RIMS2: variants seen among roughly 807,000 people sequenced by gnomAD.
RIMS2 encodes regulating synaptic membrane exocytosis 2.
Under a neutral mutation model 174.4 loss-of-function variants are expected in RIMS2, and 59 were observed. That is an observed-to-expected ratio of 0.34 (90% CI 0.27 to 0.42). RIMS2 has a LOEUF of 0.42. Ranked by LOEUF, RIMS2 falls within the 10% of genes least tolerant of loss-of-function variation. RIMS2 has a pLI of 1.00. For missense variants in RIMS2, 1,620 were observed against 1,666.3 expected (o/e 0.97, Z 0.48); for synonymous variants, 606 against 572.5 (o/e 1.06, Z -0.84).
At chr8:103,943,000 T>C (rs1372190910) in intron 14 of RIMS2, 74 bp downstream of exon 16, 7 of 1,091,668 alleles carry the variant, frequency 6.4e-6, no homozygotes, top group Non-Finnish European at 9.3e-6. Flanking sequence ...GATAAAGAAC[T>C]TGAAGATATC....
intron 1 of RIMS2, among the ~76,000 whole-genome samples, chr8:103,505,914 C>T (rs550378759): frequency 3.9e-5 from 6 of 152,078 alleles, no homozygotes; most frequent in Non-Finnish European, 8.8e-5. Flanking sequence ...TGTGGAGGCT[C>T]TCTTACATGT....
intron 1 of RIMS2, among the ~76,000 whole-genome samples, chr8:103,639,499 C>G (rs2096176145): frequency 6.7e-6 from 1 of 148,676 alleles, no homozygotes; most frequent in East Asian, 1.9e-4. Context: ...TTTTCTTTAT[C>G]TATAGTTTTG....
intron 3 of RIMS2, among the ~76,000 whole-genome samples, chr8:103,838,608 G>A (rs566563152): frequency 1.3e-5 from 2 of 152,206 alleles, no homozygotes; most frequent in East Asian, 1.9e-4. Context: ...ATCTAATAAC[G>A]TCAGAGTGTC....
At chr8:104,239,287 G>C (rs2099274633) in intron 19 of RIMS2, among the ~76,000 whole-genome samples, 1 of 152,208 alleles carries the variant, frequency 6.6e-6, no homozygotes, top group Non-Finnish European at 1.5e-5. Context: ...TACTGAGGGT[G>C]CCAGGTAAAT....
intron 13 of RIMS2, among the ~76,000 whole-genome samples, chr8:103,937,315 T>C (rs1173349600): frequency 6.6e-6 from 1 of 152,150 alleles, no homozygotes; most frequent in East Asian, 1.9e-4. Context: ...ATAAAAGGTT[T>C]GTATTTCACA....
intron 19 of RIMS2, among the ~76,000 whole-genome samples, chr8:104,025,730 C>T (rs1421511178): frequency 6.6e-6 from 1 of 151,942 alleles, no homozygotes; most frequent in Non-Finnish European, 1.5e-5. Flanking sequence ...CACACACACA[C>T]ACAGTAATGT....
intron 19 of RIMS2, among the ~76,000 whole-genome samples, chr8:104,173,298 C>A (rs901115406): frequency 6.6e-6 from 1 of 152,018 alleles, no homozygotes; most frequent in Non-Finnish European, 1.5e-5. Context: ...TTGTTTCATA[C>A]CTGTTACCTA....
chr8:104,042,582 A>G (rs1422106402), intron 19 of RIMS2, among the ~76,000 whole-genome samples: 3 of 151,626 alleles, frequency 2.0e-5, no homozygotes, highest in African/African-American at 7.2e-5. Flanking sequence ...CACTGATCAG[A>G]CTAGATATTA....
intron 2 of RIMS2, among the ~76,000 whole-genome samples, chr8:103,703,390 A>T (rs529132727): frequency 6.6e-6 from 1 of 152,090 alleles, no homozygotes; most frequent in South Asian, 2.1e-4. Context: ...GTCGTACACC[A>T]CCATACCCAG....
At chr8:103,555,514 G>T (rs926015181) in intron 1 of RIMS2, among the ~76,000 whole-genome samples, 6 of 152,098 alleles carry the variant, frequency 3.9e-5, no homozygotes, top group Admixed American at 3.9e-4. Flanking sequence ...GTTTAACCAA[G>T]TATATATCCA....
At chr8:103,933,182 A>G (rs1401602005) in intron 12 of RIMS2, among the ~76,000 whole-genome samples, 1 of 151,974 alleles carries the variant, frequency 6.6e-6, no homozygotes, top group East Asian at 1.9e-4. Flanking sequence ...AGTCCCAGCT[A>G]CTCGGGAGGC....
chr8:104,096,536 C>G (rs1598738384), intron 19 of RIMS2, among the ~76,000 whole-genome samples: 2 of 152,022 alleles, frequency 1.3e-5, no homozygotes. Context: ...GAACATATAT[C>G]CTGGAACATG....
chr8:103,514,934 CAAAA>C (rs1011395816), intron 1 of RIMS2, among the ~76,000 whole-genome samples: 2 of 149,404 alleles, frequency 1.3e-5, no homozygotes, highest in Non-Finnish European at 3.0e-5. Flanking sequence ...AACAAAAAAA[CAAAA>C]AAAAACACAC....
intron 19 of RIMS2, among the ~76,000 whole-genome samples, chr8:104,187,468 G>A (rs552360852): frequency 6.6e-6 from 1 of 151,856 alleles, no homozygotes; most frequent in South Asian, 2.1e-4. Flanking sequence ...AAATCTGTAG[G>A]TGAAACTGAC....
rs1456629007 is a variant in RIMS2, at chr8:103,785,086, G to A, written c.698+18549G>A. Among the ~76,000 whole-genome samples, 18 of 140,530 alleles carry A rather than the reference G, an allele frequency of 1.3e-4. 1 individual carries two copies. Among genetic ancestry groups the A allele is most frequent in the South Asian group, 2.4e-4 (1 of 4,248 alleles). 92.2% of individuals were successfully genotyped at this position (140,530 alleles called of 152,430 possible). On this transcript the variant is annotated intron_variant, in intron 3 of 23. Coordinates refer to ENST00000504942, the Ensembl canonical transcript of RIMS2. ...CTCTCTGTTTGTCTGTTATTGGTGC[G>A]TAAGAATGCTTGTGATTTTTGTACA...
chr8:103,816,307 G>A (rs2098718198), intron 3 of RIMS2, among the ~76,000 whole-genome samples: 1 of 152,092 alleles, frequency 6.6e-6, no homozygotes, highest in South Asian at 2.1e-4. Context: ...AAGTCCTGTG[G>A]CGGTTTCCTA....
intron 3 of RIMS2, among the ~76,000 whole-genome samples, chr8:103,879,540 A>G (rs2099157568): frequency 1.3e-5 from 2 of 151,514 alleles, no homozygotes; most frequent in African/African-American, 4.8e-5. Context: ...ATAATCTACC[A>G]GTCTTTATTA....
rs556181457 is a variant in RIMS2, at chr8:103,755,490, G to T, written c.388-10737G>T. ...AATATTGGCCTGCCTTGCTAGGCTG[G>T]GGAAGTTCTCCTGGATAATATCCTG... On this transcript the variant is annotated intron_variant, in intron 2 of 23. Transcript: ENST00000504942. Among the ~76,000 whole-genome samples, 51 of 152,270 alleles carry T rather than the reference G, an allele frequency of 3.3e-4. No individual in the cohort carries two copies. The South Asian group carries it at 0.01, about 31-fold the overall frequency.
intron 19 of RIMS2, among the ~76,000 whole-genome samples, chr8:104,036,970 A>G (rs994132994): frequency 3.9e-5 from 6 of 152,210 alleles, no homozygotes; most frequent in African/African-American, 1.4e-4. Context: ...ACCTAATTTA[A>G]TAGATGGCCA....
Sources: gnomAD v4.1 joint callset for allele counts (sites outside exome capture counted in the v4.1 genomes callset) on GRCh38, gnomAD v4.1.1 for gene constraint, MANE v1.5 for transcripts, NCBI Gene and HGNC (gene_info 2026-07-23, HGNC 2026-07-21) for gene names.